ERC2: variants seen among roughly 807,000 people sequenced by gnomAD.
The protein encoded by ERC2 is ELKS/RAB6-interacting/CAST family member 2, also known as ERC protein 2.
ERC2 carries 42 observed loss-of-function variants against 114.8 expected under a neutral mutation model. That is an observed-to-expected ratio of 0.37 (90% confidence interval 0.29 to 0.47). ERC2 has a LOEUF of 0.47. Ranked by LOEUF, ERC2 falls within the 20% of genes least tolerant of loss-of-function variation. The probability of loss-of-function intolerance (pLI) is 0.99; values close to 1 mark genes in which losing one functional copy is unlikely to be tolerated. For missense variants in ERC2, 939 were observed against 1,150.7 expected (o/e 0.82, Z 2.66); for synonymous variants, 454 against 425.5 (o/e 1.07, Z -0.82).
intron 14 of ERC2, among the ~76,000 whole-genome samples, chr3:55,758,889 A>C (rs2067233736): frequency 6.6e-6 from 1 of 152,224 alleles, no homozygotes; most frequent in African/African-American, 2.4e-5. Flanking sequence ...AGCATATTAA[A>C]AGAGAGTCCA....
chr3:55,819,681 GTGGGATAGCATCTATTA>G (rs1458562374), intron 14 of ERC2, among the ~76,000 whole-genome samples: 8 of 152,212 alleles, frequency 5.3e-5, no homozygotes, highest in Non-Finnish European at 7.3e-5. Flanking sequence ...TCTCCCACTT[GTGGGATAGCATCTATTA>G]GACAATGATG....
chr3:55,928,711 G>A (rs1056813094), intron 13 of ERC2, among the ~76,000 whole-genome samples: 1 of 152,226 alleles, frequency 6.6e-6, no homozygotes, highest in Admixed American at 6.5e-5. Flanking sequence ...AGTTTCCCCA[G>A]TGTTTTCTTT....
At chr3:55,931,593 G>A (rs1487489635) in intron 13 of ERC2, among the ~76,000 whole-genome samples, 1 of 152,116 alleles carries the variant, frequency 6.6e-6, no homozygotes, top group African/African-American at 2.4e-5. Context: ...CACACACTGG[G>A]GCCTGTCGGG....
intron 7 of ERC2, among the ~76,000 whole-genome samples, chr3:56,045,784 A>G (rs1457012242): frequency 6.6e-6 from 1 of 152,174 alleles, no homozygotes; most frequent in Non-Finnish European, 1.5e-5. Flanking sequence ...CAGAAAGCCC[A>G]TAAGAATATA....
At chr3:55,785,160 T>C (rs960675916) in intron 14 of ERC2, among the ~76,000 whole-genome samples, 1 of 152,212 alleles carries the variant, frequency 6.6e-6, no homozygotes, top group African/African-American at 2.4e-5. Context: ...ACTGAAAGAA[T>C]TACCCGAAGG....
intron 17 of ERC2, among the ~76,000 whole-genome samples, chr3:55,617,864 C>T (rs2059184665): frequency 6.6e-6 from 1 of 152,216 alleles, no homozygotes. Flanking sequence ...AGTGGGGCCA[C>T]TTGACTCTTT....
chr3:55,715,570 G>C (rs1038413347), intron 15 of ERC2, among the ~76,000 whole-genome samples: 5 of 152,102 alleles, frequency 3.3e-5, no homozygotes, highest in Non-Finnish European at 5.9e-5. Flanking sequence ...AACAGCATGT[G>C]CCTGGGGACA....
At chr3:56,321,625 T>C (rs903332110) in intron 2 of ERC2, among the ~76,000 whole-genome samples, 48 of 152,242 alleles carry the variant, frequency 3.2e-4, no homozygotes, top group African/African-American at 1.2e-3. Flanking sequence ...TGGTCTATCC[T>C]GTTGGACTGT....
At chr3:56,101,796 C>T (rs1181993561) in intron 6 of ERC2, among the ~76,000 whole-genome samples, 3 of 152,078 alleles carry the variant, frequency 2.0e-5, no homozygotes, top group Non-Finnish European at 4.4e-5. Context: ...GGAAACATTC[C>T]AGCAAGAGGA....
At chr3:56,387,280 A>T (rs1299345014) in intron 2 of ERC2, among the ~76,000 whole-genome samples, 1 of 152,202 alleles carries the variant, frequency 6.6e-6, no homozygotes, top group Non-Finnish European at 1.5e-5. Flanking sequence ...ATTGTTATAG[A>T]GCCCCAAAAC....
At chr3:55,873,935 G>T (rs1220604499) in intron 14 of ERC2, among the ~76,000 whole-genome samples, 2 of 152,128 alleles carry the variant, frequency 1.3e-5, no homozygotes, top group Non-Finnish European at 2.9e-5. Flanking sequence ...TGTTAACTAG[G>T]TAGTCAATAA....
intron 17 of ERC2, among the ~76,000 whole-genome samples, chr3:55,547,247 G>A (rs1023932417): frequency 6.6e-6 from 1 of 152,234 alleles, no homozygotes; most frequent in Admixed American, 6.5e-5. Flanking sequence ...ATCTCCCGGG[G>A]TGAGGAAGCA....
At chr3:55,615,441 C>T (rs779754137) in intron 17 of ERC2, among the ~76,000 whole-genome samples, 1 of 152,174 alleles carries the variant, frequency 6.6e-6, no homozygotes, top group East Asian at 1.9e-4. Context: ...CTGCACAGCC[C>T]TCTTGTCCTT....
chr3:55,880,094 A>G (rs749723568), intron 14 of ERC2, among the ~76,000 whole-genome samples: 1 of 152,240 alleles, frequency 6.6e-6, no homozygotes, highest in Non-Finnish European at 1.5e-5. Flanking sequence ...CTTAAAGGAC[A>G]GGGAGGTTTC....
intron 17 of ERC2, among the ~76,000 whole-genome samples, chr3:55,562,168 T>G (rs769621151): frequency 1.3e-5 from 2 of 151,160 alleles, no homozygotes; most frequent in Non-Finnish European, 3.0e-5. Context: ...TTTTCTTTTT[T>G]GAGACGGAGT....
chr3:55,833,017 G>A (rs2060681822), intron 14 of ERC2, among the ~76,000 whole-genome samples: 1 of 150,958 alleles, frequency 6.6e-6, no homozygotes, highest in Admixed American at 6.6e-5. Flanking sequence ...AGTGATGGAA[G>A]ATGAAATGAA....
intron 3 of ERC2, among the ~76,000 whole-genome samples, chr3:56,233,857 T>C (rs993271622): frequency 3.9e-5 from 6 of 152,118 alleles, no homozygotes; most frequent in Non-Finnish European, 8.8e-5. Context: ...GTCTCTACCA[T>C]CACATCTCCT....
chr3:56,136,040 A>G (rs1216394600), intron 6 of ERC2, among the ~76,000 whole-genome samples: 1 of 152,144 alleles, frequency 6.6e-6, no homozygotes, highest in Non-Finnish European at 1.5e-5. Flanking sequence ...TTATTATTCT[A>G]TTGATTTATT....
At chr3:55,734,712 G>C in intron 15 of ERC2, 59 bp downstream of exon 15, 2 of 1,553,194 alleles carry the variant, frequency 1.3e-6, no homozygotes, top group South Asian at 2.5e-5. Context: ...CTAAAATCCA[G>C]AGAAAGCCCC....
Sources: allele counts gnomAD v4.1 joint callset (sites outside exome capture counted in the v4.1 genomes callset), GRCh38; gene constraint gnomAD v4.1.1; transcripts MANE v1.5; gene names NCBI Gene and HGNC (gene_info 2026-07-23, HGNC 2026-07-21).